The following GALNT13 variants were observed in gnomAD, a reference collection of about 807,000 sequenced individuals.
GALNT13 encodes the protein polypeptide N-acetylgalactosaminyltransferase 13.
In GALNT13, 28 loss-of-function variants were observed where a neutral mutation model predicts 64.2. The observed-to-expected ratio is 0.44, with a 90% CI of 0.32 to 0.60. The LOEUF is 0.60. Ranked by LOEUF, GALNT13 falls within the 20% of genes least tolerant of loss-of-function variation. The pLI, the probability that GALNT13 is intolerant of heterozygous loss-of-function variation, is 0.05. For synonymous variants in GALNT13, 214 were observed against 224.6 expected (o/e 0.95, Z 0.42); for missense variants, 577 against 669.8 (o/e 0.86, Z 1.53).
the GALNT13 span, among the ~76,000 whole-genome samples, chr2:153,635,920 A>G: frequency 6.6e-6 from 1 of 152,164 alleles, no homozygotes; most frequent in African/African-American, 2.4e-5. Context: ...AAGAAACATA[A>G]GAGAAAATGC....
chr2:153,199,922 A>G, the GALNT13 span, among the ~76,000 whole-genome samples: 2 of 152,212 alleles, frequency 1.3e-5, no homozygotes, highest in Non-Finnish European at 2.9e-5. Flanking sequence ...AATAAATAGT[A>G]CAGTGAACTG....
At chr2:154,026,042 T>C (rs1386127110) in intron 3 of GALNT13, among the ~76,000 whole-genome samples, 1 of 152,004 alleles carries the variant, frequency 6.6e-6, no homozygotes, top group Non-Finnish European at 1.5e-5. Flanking sequence ...TGCATGGTGT[T>C]GGGGGGAGGG....
At chr2:154,180,508 T>A (rs1318194192) in intron 4 of GALNT13, among the ~76,000 whole-genome samples, 2 of 142,970 alleles carry the variant, frequency 1.4e-5, no homozygotes, top group Non-Finnish European at 3.0e-5. Context: ...CAGTTATAAG[T>A]ACCTGTTAAA....
chr2:153,395,414 T>G, the GALNT13 span, among the ~76,000 whole-genome samples: 1 of 152,120 alleles, frequency 6.6e-6, no homozygotes, highest in Non-Finnish European at 1.5e-5. Context: ...GTTGTGATCC[T>G]TTCAAACGAA....
intron 12 of GALNT13, among the ~76,000 whole-genome samples, chr2:154,442,869 T>C (rs1701371380): frequency 6.6e-6 from 1 of 152,144 alleles, no homozygotes; most frequent in African/African-American, 2.4e-5. Flanking sequence ...AAATAACTTA[T>C]TTTTCATGTG....
At chr2:154,353,006 C>G (rs191865320) in intron 9 of GALNT13, among the ~76,000 whole-genome samples, 194 of 152,242 alleles carry the variant, frequency 1.3e-3, no homozygotes, top group Non-Finnish European at 2.1e-3. Context: ...CCTTTTTTCT[C>G]TAGTGACTCG....
chr2:153,569,064 A>G, the GALNT13 span, among the ~76,000 whole-genome samples: 2 of 152,164 alleles, frequency 1.3e-5, no homozygotes, highest in African/African-American at 2.4e-5. Context: ...TAGTGCTGCT[A>G]TGAACATTTT....
chr2:154,194,447 T>C (rs1315309647), intron 4 of GALNT13, among the ~76,000 whole-genome samples: 2 of 152,116 alleles, frequency 1.3e-5, no homozygotes, highest in African/African-American at 4.8e-5. Context: ...GAAAATACAG[T>C]GTAGACAGAA....
chr2:154,217,075 A>G (rs530000162), intron 4 of GALNT13, among the ~76,000 whole-genome samples: 255 of 151,946 alleles, frequency 1.7e-3, no homozygotes, highest in African/African-American at 5.8e-3. Flanking sequence ...TAACAGGCTG[A>G]GCCACCTCAC....
the GALNT13 span, among the ~76,000 whole-genome samples, chr2:153,441,486 A>G: frequency 1.3e-5 from 2 of 152,216 alleles, no homozygotes; most frequent in Non-Finnish European, 2.9e-5. Context: ...TCAGTGAGGA[A>G]AGTCAATTGT....
chr2:153,334,332 A>G, the GALNT13 span, among the ~76,000 whole-genome samples: 1 of 152,228 alleles, frequency 6.6e-6, no homozygotes. Flanking sequence ...TCATTTAATG[A>G]GAATCTATCA....
chr2:154,153,851 A>C (rs937883414), intron 4 of GALNT13, among the ~76,000 whole-genome samples: 5 of 152,344 alleles, frequency 3.3e-5, no homozygotes, highest in East Asian at 3.9e-4. Flanking sequence ...TTCTTTGACT[A>C]GGAAAGGGAA....
rs1168286403 is a variant in GALNT13 at position 153,899,138 on chromosome 2, A to G, written c.-176-1798A>G. 3.3e-5 allele frequency among the ~76,000 whole-genome samples: 5 copies of G among 152,322 alleles called. 1 individual carries two copies. Among genetic ancestry groups the G allele is most frequent in the Admixed American group, 2.6e-4 (4 of 15,296 alleles). ...TGGTGTGGGACAAACGAAATGTATC[A>G]GTAAGCCAGATGTGGTTTTCATGCC... On this transcript the variant is annotated intron_variant, in intron 1 of 12. Transcript: ENST00000392825.
At chr2:154,373,118 A>T (rs1167998253) in intron 9 of GALNT13, among the ~76,000 whole-genome samples, 1 of 152,152 alleles carries the variant, frequency 6.6e-6, no homozygotes, top group Non-Finnish European at 1.5e-5. Flanking sequence ...TTATATAAAA[A>T]ATGAATCATT....
At chr2:153,641,660 TTA>T in the GALNT13 span, among the ~76,000 whole-genome samples, 2 of 152,182 alleles carry the variant, frequency 1.3e-5, no homozygotes, top group South Asian at 4.1e-4. Context: ...CACTGTTAAT[TTA>T]TATGGATTTC....
At chr2:154,312,552 A>G (rs1230749498) in intron 9 of GALNT13, among the ~76,000 whole-genome samples, 2 of 152,208 alleles carry the variant, frequency 1.3e-5, no homozygotes, top group African/African-American at 4.8e-5. Context: ...CTCTGAGGTT[A>G]TTACATGTGT....
the GALNT13 span, among the ~76,000 whole-genome samples, chr2:153,607,704 G>GTTC: frequency 1.3e-5 from 2 of 152,090 alleles, no homozygotes; most frequent in African/African-American, 4.8e-5. Flanking sequence ...TTGAAATAAG[G>GTTC]TTCTGTTTTT....
At chr2:153,264,031 T>G in the GALNT13 span, among the ~76,000 whole-genome samples, 3 of 151,946 alleles carry the variant, frequency 2.0e-5, no homozygotes, top group Non-Finnish European at 4.4e-5. Flanking sequence ...TGGGAGAAAA[T>G]TTTTGCAATC....
the GALNT13 span, among the ~76,000 whole-genome samples, chr2:153,655,176 C>T: frequency 2.6e-5 from 4 of 152,050 alleles, no homozygotes; most frequent in African/African-American, 9.7e-5. Context: ...TTAGGAAAAG[C>T]ACAGGTTTAG....
Sources: gnomAD v4.1 joint callset for allele counts (sites outside exome capture counted in the v4.1 genomes callset) on GRCh38, gnomAD v4.1.1 for gene constraint, MANE v1.5 for transcripts, NCBI Gene and HGNC (gene_info 2026-07-23, HGNC 2026-07-21) for gene names.